The following SPEN variants were observed in gnomAD, a reference collection of about 807,000 sequenced individuals.
The protein encoded by SPEN is msx2-interacting protein.
A neutral mutation model predicts 269.9 loss-of-function variants in SPEN; 18 were observed. The ratio of observed to expected loss-of-function variants is 0.07; its 90% confidence interval spans 0.05 to 0.10. The LOEUF is 0.10. Ranked by LOEUF, SPEN falls within the 10% of genes least tolerant of loss-of-function variation. The pLI, the probability that SPEN is intolerant of heterozygous loss-of-function variation, is 1.00. For missense variants in SPEN, 3,822 were observed against 4,631.2 expected (o/e 0.83, Z 5.07); for synonymous variants, 1,726 against 1,765.7 (o/e 0.98, Z 0.56).
At chr1:15,922,162 A>T in intron 9 of SPEN, 87 bp from the exon 10 acceptor site, 1 of 958,570 alleles carries the variant, frequency 1.0e-6, no homozygotes, top group Non-Finnish European at 1.6e-6. Flanking sequence ...CAGAAGGGCT[A>T]TGTTGTGAAG....
intron 3 of SPEN, among the ~76,000 whole-genome samples, chr1:15,904,479 T>TAAAAAAACAA (rs1557750239): frequency 1.2e-5 from 1 of 81,094 alleles, no homozygotes; most frequent in Admixed American, 1.6e-4. Flanking sequence ...AAAAAAAAAG[T>TAAAAAAACAA]GAACTAAAAA....
At position 15,935,204 on chromosome 1, in the gene SPEN, T is replaced by G; in HGVS notation, c.8964T>G (p.Pro2988=). The change falls in exon 11 of 15, where the codon CCT becomes CCG. Residue 2988 remains proline, a synonymous_variant. Coordinates refer to ENST00000375759, the MANE Select transcript of SPEN (RefSeq NM_015001.3). The surrounding 1 kb of genome is among the most constrained non-coding windows in gnomAD (Gnocchi z 7.7). ...LGSTLTPHHP[P]ALPSKLPTEV... is the part of the protein sequence containing the mutation. ...CCACGCTCACGCCCCACCACCCTCC[T>G]GCTCTGCCCAGCAAACTGCCTACAG... The G allele has an allele frequency of 6.2e-7, 1 of 1,614,038 alleles. No individual in the cohort carries two copies. The highest frequency in any genetic ancestry group is 8.5e-7 in the Non-Finnish European group (1 of 1,179,982).
chr1:15,891,712 T>A (rs2070790917), intron 3 of SPEN, among the ~76,000 whole-genome samples: 1 of 151,504 alleles, frequency 6.6e-6, no homozygotes, highest in Non-Finnish European at 1.5e-5. Context: ...CTGGTCTAGG[T>A]CTCATGACCT....
chr1:15,875,624 A>G (rs1213938181), intron 2 of SPEN, among the ~76,000 whole-genome samples: 2 of 152,054 alleles, frequency 1.3e-5, no homozygotes, highest in African/African-American at 4.8e-5. Flanking sequence ...AGTCTAGTTT[A>G]TGTAGTCCAG....
chr1:15,892,012 C>CTTTT lies in SPEN; in HGVS notation c.881+15356_881+15359dup, dbSNP rs71003216. 5.4e-4 allele frequency among the ~76,000 whole-genome samples: 40 copies of CTTTT among 74,564 alleles called. 1 individual carries two copies. Among genetic ancestry groups the CTTTT allele is most frequent in the African/African-American group, 2.0e-3 (36 of 17,978 alleles). 48.9% of individuals were successfully genotyped at this position (74,564 alleles called of 152,430 possible). A position where few individuals can be genotyped will look rare whatever the true frequency, so the allele number is the denominator to read the frequency against. ...CATTAATTACATCTGTTTCTTTTTA[C>CTTTT]TTTTTTTTTTTTTTTTTTTTTTTTT... On this transcript the variant is annotated intron_variant, in intron 3 of 14. Transcript: ENST00000375759.
intron 3 of SPEN, among the ~76,000 whole-genome samples, chr1:15,905,856 AG>A (rs2070950904): frequency 6.6e-6 from 1 of 152,204 alleles, no homozygotes; most frequent in Admixed American, 6.5e-5. Flanking sequence ...TACAGGCATG[AG>A]CTACCGTGCT....
intron 3 of SPEN, among the ~76,000 whole-genome samples, chr1:15,886,017 T>G (rs1031194216): frequency 1.3e-5 from 2 of 152,196 alleles, no homozygotes; most frequent in Non-Finnish European, 2.9e-5. Context: ...CTTACTTAAT[T>G]GTTCTGGTAG....
chr1:15,911,867 G>A (rs1181832079), intron 5 of SPEN, among the ~76,000 whole-genome samples: 3 of 152,184 alleles, frequency 2.0e-5, no homozygotes, highest in African/African-American at 7.2e-5. Flanking sequence ...AGGCTGAGGC[G>A]GGAGAATCGT....
chr1:15,860,158 G>A (rs1484745200), intron 1 of SPEN, among the ~76,000 whole-genome samples: 1 of 151,726 alleles, frequency 6.6e-6, no homozygotes, highest in Admixed American at 6.6e-5. Flanking sequence ...TGATCCGCCC[G>A]CCTCGGCCTC....
At chr1:15,890,663 G>GTGGACAGTTAATGC (rs2070780134) in intron 3 of SPEN, among the ~76,000 whole-genome samples, 1 of 148,518 alleles carries the variant, frequency 6.7e-6, no homozygotes, top group Admixed American at 6.8e-5. Context: ...ACCCATTTAA[G>GTGGACAGTTAATGC]TGGACAGTTA....
At chr1:15,849,132 T>C (rs1166379552) in intron 1 of SPEN, among the ~76,000 whole-genome samples, 3 of 152,224 alleles carry the variant, frequency 2.0e-5, no homozygotes, top group Admixed American at 6.5e-5. Flanking sequence ...AAAACACTTA[T>C]TAAAATGACG....
intron 5 of SPEN, 110 bp from the exon 6 acceptor site, chr1:15,916,018 A>C: frequency 7.8e-7 from 1 of 1,283,554 alleles, no homozygotes; most frequent in Non-Finnish European, 1.1e-6. Flanking sequence ...TGAGTATTCA[A>C]GCCCATTATT....
At chr1:15,913,813 C>T (rs2071032882) in intron 5 of SPEN, among the ~76,000 whole-genome samples, 1 of 151,822 alleles carries the variant, frequency 6.6e-6, no homozygotes, top group South Asian at 2.1e-4. Flanking sequence ...GCTATGATCC[C>T]ACCACTGCAC....
intron 3 of SPEN, among the ~76,000 whole-genome samples, chr1:15,906,276 T>C (rs2070954671): frequency 6.6e-6 from 1 of 152,104 alleles, no homozygotes; most frequent in Non-Finnish European, 1.5e-5. Context: ...TTCTTATAGA[T>C]GGGAAAGCTA....
chr1:15,897,798 C>T (rs953314049), intron 3 of SPEN, among the ~76,000 whole-genome samples: 8 of 152,148 alleles, frequency 5.3e-5, no homozygotes, highest in Non-Finnish European at 8.8e-5. Context: ...TGCACCTGGC[C>T]GCATTTTTGC....
intron 5 of SPEN, 84 bp downstream of exon 5, chr1:15,911,385 T>A: frequency 1.9e-6 from 2 of 1,050,320 alleles, no homozygotes; most frequent in Non-Finnish European, 2.9e-6. Flanking sequence ...CATATGATCC[T>A]GAATGAGGAC....
Position 15,940,001 on chromosome 1 carries a change from T to G in SPEN, c.*574T>G, listed in dbSNP as rs555634464. ...CACCTTAATTCTCCTGCTGCCACCG[T>G]CTTTGATTCACCGGGATGTACAGTT... On this transcript the variant is annotated 3_prime_UTR_variant, in exon 15 of 15. Coordinates refer to ENST00000375759, the MANE Select transcript of SPEN (RefSeq NM_015001.3). The G allele has an allele frequency of 1.0e-4, 24 of 231,250 alleles. No individual in the cohort carries two copies. In the East Asian group the frequency reaches 1.5e-3, roughly 14 times the overall value. 14.3% of individuals were successfully genotyped at this position (231,250 alleles called of 1,614,324 possible).
intron 10 of SPEN, among the ~76,000 whole-genome samples, chr1:15,926,694 CTT>C (rs201031337): frequency 5.6e-4 from 75 of 133,792 alleles, no homozygotes; most frequent in Non-Finnish European, 6.2e-4. Context: ...TTCTAGTGTT[CTT>C]TTTTTTTTTT....
At chr1:15,902,923 CAACTT>C (rs1004046611) in intron 3 of SPEN, among the ~76,000 whole-genome samples, 4 of 151,954 alleles carry the variant, frequency 2.6e-5, no homozygotes, top group African/African-American at 9.7e-5. Context: ...TTTTGTTTCT[CAACTT>C]AATTTGGTTA....
Sources: gnomAD v4.1 joint callset for allele counts (sites outside exome capture counted in the v4.1 genomes callset) on GRCh38, gnomAD v4.1.1 for gene constraint, Gnocchi (gnomAD v3.1) non-coding constraint, MANE v1.5 for transcripts, NCBI Gene and HGNC (gene_info 2026-07-23, HGNC 2026-07-21) for gene names.